The following C12orf76 variants were observed in gnomAD, a reference collection of about 807,000 sequenced individuals.
C12orf76 encodes uncharacterized protein C12orf76.
C12orf76 carries 6 observed loss-of-function variants against 6.8 expected under a neutral mutation model. The ratio of observed to expected loss-of-function variants is 0.88; its 90% CI spans 0.48 to 1.73. The LOEUF is 1.73. Among genes scored for constraint, C12orf76 ranks in the 40% most tolerant of loss-of-function variants. The pLI is 0.01. For synonymous variants in C12orf76, 56 were observed against 43.7 expected, an observed-to-expected ratio of 1.28 and a Z score of -1.11; for missense variants, 99 against 98.2, an observed-to-expected ratio of 1.01 and a Z score of -0.03.
upstream of C12orf76, among the ~76,000 whole-genome samples, chr12:110,053,011 G>A (rs1480508088): frequency 6.6e-6 from 1 of 150,908 alleles, no homozygotes. Flanking sequence ...GACCATCCTG[G>A]CCAACATGGC....
rs1337140779 is a variant in C12orf76, at chr12:110,042,672, G to A, written c.134-213C>T. On this transcript the variant is annotated intron_variant, in intron 1 of 1. Coordinates refer to ENST00000615315, the MANE Select transcript of C12orf76 (RefSeq NM_001389625.1). ...AGCATTTCACATAGCTTGATATACC[G>A]TGAAAAAAAAAAACAGTAACATGCT... 1.1e-5 allele frequency: 7 copies of A among 666,662 alleles called. No individual in the cohort carries two copies. In the African/African-American group the frequency reaches 1.3e-4, roughly 12 times the overall value. The allele number at this position is 666,662 out of a possible 1,614,324, so 41.3% of individuals were successfully genotyped here.
intron 3 of C12orf76, among the ~76,000 whole-genome samples, chr12:110,058,393 G>A (rs1294931138): frequency 6.6e-6 from 1 of 152,058 alleles, no homozygotes; most frequent in Non-Finnish European, 1.5e-5. Flanking sequence ...GCAGGTCATG[G>A]TGCCTCACGC....
At chr12:110,065,727 CT>C in intron 2 of C12orf76, 1 of 1,499,308 alleles carries the variant, frequency 6.7e-7, no homozygotes, top group Non-Finnish European at 9.3e-7. Flanking sequence ...CCCATGAGAG[CT>C]TCTAGAAACA....
upstream of C12orf76, among the ~76,000 whole-genome samples, chr12:110,051,985 T>C (rs1367857785): frequency 2.9e-5 from 4 of 139,650 alleles, no homozygotes; most frequent in Admixed American, 7.7e-5. Context: ...CTCCGCCTCC[T>C]AGGTTCATGC....
At chr12:110,071,626 C>G (rs1892960545), upstream of C12orf76, among the ~76,000 whole-genome samples, 1 of 152,052 alleles carries the variant, frequency 6.6e-6, no homozygotes, top group African/African-American at 2.4e-5. Context: ...TGCCTTGACT[C>G]TTAGTAAACT....
chr12:110,062,447 TA>T (rs1240180198), intron 2 of C12orf76, among the ~76,000 whole-genome samples: 3 of 152,168 alleles, frequency 2.0e-5, no homozygotes, highest in African/African-American at 7.2e-5. Context: ...GAGTGACTGT[TA>T]ATGGGTATGA....
At chr12:110,063,732 A>G (rs942103728) in intron 2 of C12orf76, among the ~76,000 whole-genome samples, 5 of 150,794 alleles carry the variant, frequency 3.3e-5, no homozygotes, top group African/African-American at 9.9e-5. Context: ...GGTTCAAGCG[A>G]TTCTCCAGCC....
chr12:110,069,847 T>TGA (rs1370334558), upstream of C12orf76, among the ~76,000 whole-genome samples: 8 of 152,196 alleles, frequency 5.3e-5, no homozygotes, highest in African/African-American at 1.9e-4. Context: ...TAACTGAATT[T>TGA]GAGGGAGTTA....
chr12:110,053,087 G>T (rs976169269), upstream of C12orf76, among the ~76,000 whole-genome samples: 28 of 151,936 alleles, frequency 1.8e-4, no homozygotes, highest in African/African-American at 6.5e-4. Flanking sequence ...ACCTACTCAG[G>T]AGGCTGAGGC....
chr12:110,058,265 TATTA>T (rs1892708008), intron 3 of C12orf76, among the ~76,000 whole-genome samples: 1 of 152,196 alleles, frequency 6.6e-6, no homozygotes, highest in African/African-American at 2.4e-5. Flanking sequence ...AATAATATGT[TATTA>T]ATTCTTTCTA....
chr12:110,051,244 G>A (rs144417481), upstream of C12orf76: 635 of 757,306 alleles, frequency 8.4e-4, 1 homozygote, highest in African/African-American at 8.5e-3. Flanking sequence ...GGCCACTTCC[G>A]TTCCAATCCT....
rs75582595 is a variant in C12orf76 at position 110,048,245 on chromosome 12, C to G, written c.133+118G>C. ...CCTGAGGGGCCTCACCTGCACCCCC[C>G]GCACTCACCCATCTCCCCACTCTAT... On this transcript the variant is annotated intron_variant, in intron 1 of 1. Transcript: ENST00000615315. 2.7e-4 allele frequency: 347 copies of G among 1,270,908 alleles called. 2 individuals carry two copies. The East Asian group carries it at 1.0e-2, about 37-fold the overall frequency. The allele number at this position is 1,270,908 out of a possible 1,614,324, so 78.7% of individuals were successfully genotyped here. A position where few individuals can be genotyped will look rare whatever the true frequency, so the allele number is the denominator to read the frequency against.
intron 2 of C12orf76, among the ~76,000 whole-genome samples, chr12:110,064,098 G>C (rs777748005): frequency 2.0e-5 from 3 of 152,196 alleles, no homozygotes; most frequent in Non-Finnish European, 4.4e-5. Flanking sequence ...CCATAGGGGA[G>C]CTAGCAGTCT....
At chr12:110,043,873 A>ACAAC (rs58778860) in intron 1 of C12orf76, among the ~76,000 whole-genome samples, 1 of 149,086 alleles carries the variant, frequency 6.7e-6, no homozygotes, top group South Asian at 2.1e-4. Flanking sequence ...ACAAAAACAA[A>ACAAC]AAAAAAAATG....
intron 1 of C12orf76, among the ~76,000 whole-genome samples, chr12:110,042,830 G>A: frequency 6.6e-6 from 1 of 152,048 alleles, no homozygotes; most frequent in African/African-American, 2.4e-5. Flanking sequence ...GGCCTAGGTG[G>A]GTGGATCACT....
intron 1 of C12orf76, among the ~76,000 whole-genome samples, chr12:110,045,150 A>G (rs1293862636): frequency 1.3e-5 from 2 of 152,250 alleles, no homozygotes; most frequent in African/African-American, 2.4e-5. Context: ...GTCTTAAAAT[A>G]GCCCTTGTTA....
chr12:110,048,361 A>ACC lies in C12orf76; in HGVS notation c.133_133+1dup. On this transcript the variant is annotated splice_donor_variant, in intron 1 of 1. Coordinates refer to ENST00000615315, the MANE Select transcript of C12orf76 (RefSeq NM_001389625.1). LOFTEE classifies it high-confidence loss of function. ...CCGCCCGCCAGCCCGAGGGCCGCTC[A>ACC]CCCAGGTTCTGCCCTCGCAGCACCG... 1 of 1,503,690 alleles carries ACC rather than the reference A, an allele frequency of 6.7e-7. No individual in the cohort carries two copies. The highest frequency in any genetic ancestry group is 8.8e-7 in the Non-Finnish European group (1 of 1,131,386). 93.1% of individuals were successfully genotyped at this position (1,503,690 alleles called of 1,614,324 possible). A position where few individuals can be genotyped will look rare whatever the true frequency, so the allele number is the denominator to read the frequency against.
At chr12:110,061,188 A>G (rs964986554) in intron 2 of C12orf76, among the ~76,000 whole-genome samples, 1 of 151,858 alleles carries the variant, frequency 6.6e-6, no homozygotes, top group Non-Finnish European at 1.5e-5. Flanking sequence ...TTCGAACTCA[A>G]TGCCTTCAGT....
chr12:110,047,212 T>C (rs1181735993), intron 1 of C12orf76, among the ~76,000 whole-genome samples: 2 of 152,084 alleles, frequency 1.3e-5, no homozygotes, highest in Admixed American at 6.6e-5. Flanking sequence ...CAGAACTCCT[T>C]CCAAAGCCAA....
Sources: allele counts gnomAD v4.1 joint callset (sites outside exome capture counted in the v4.1 genomes callset), GRCh38; gene constraint gnomAD v4.1.1; transcripts MANE v1.5; gene names NCBI Gene and HGNC (gene_info 2026-07-23, HGNC 2026-07-21).